SVIL: variants seen among roughly 807,000 people sequenced by gnomAD.
SVIL encodes archvillin.
In SVIL, 101 loss-of-function variants were observed where a neutral mutation model predicts 240.4. That is an observed-to-expected ratio of 0.42 (90% CI 0.36 to 0.50). The LOEUF (loss-of-function observed/expected upper bound fraction) is 0.50, where lower values mean the gene tolerates loss of function less well. SVIL is among the 20% of genes least tolerant of loss of function. The pLI is 0.01. For missense variants in SVIL, 2,512 were observed against 2,818.7 expected, an observed-to-expected ratio of 0.89 and a Z score of 2.46; for synonymous variants, 999 against 1,100.0, an observed-to-expected ratio of 0.91 and a Z score of 1.82.
At chr10:29,528,290 T>C (rs1404107341) in intron 12 of SVIL, among the ~76,000 whole-genome samples, 1 of 152,228 alleles carries the variant, frequency 6.6e-6, no homozygotes, top group Admixed American at 6.5e-5. Context: ...GGGGAGGAAC[T>C]GTAGGCAGCT....
intron 1 of SVIL, among the ~76,000 whole-genome samples, chr10:29,570,442 G>A (rs536533152): frequency 3.3e-5 from 5 of 152,238 alleles, no homozygotes; most frequent in African/African-American, 7.2e-5. Flanking sequence ...TAACCTTAGC[G>A]TTTCAGTTTT....
intron 1 of SVIL, among the ~76,000 whole-genome samples, chr10:29,596,288 T>C (rs1485862178): frequency 6.6e-6 from 1 of 152,082 alleles, no homozygotes; most frequent in African/African-American, 2.4e-5. Context: ...GTAAGCAAGA[T>C]AGTGAGACCC....
chr10:29,587,855 G>T (rs1257498141), intron 1 of SVIL, among the ~76,000 whole-genome samples: 1 of 152,190 alleles, frequency 6.6e-6, no homozygotes, highest in Non-Finnish European at 1.5e-5. Context: ...TTACACACCA[G>T]CGAAAAGTGG....
intron 18 of SVIL, among the ~76,000 whole-genome samples, chr10:29,498,626 G>A (rs1472845046): frequency 6.6e-6 from 1 of 152,236 alleles, no homozygotes; most frequent in East Asian, 1.9e-4. Context: ...AAGATATTCA[G>A]TAGAAATATC....
chr10:29,620,800 G>A (rs1412835523), intron 1 of SVIL, among the ~76,000 whole-genome samples: 2 of 152,054 alleles, frequency 1.3e-5, no homozygotes, highest in African/African-American at 4.8e-5. Context: ...TGTATTTTTA[G>A]CAGAGATGGG....
At chr10:29,586,195 C>G (rs946625641) in intron 1 of SVIL, among the ~76,000 whole-genome samples, 1 of 152,124 alleles carries the variant, frequency 6.6e-6, no homozygotes, top group African/African-American at 2.4e-5. Flanking sequence ...CTGAAGAGAA[C>G]AAAAAGGAGA....
At chr10:29,665,133 G>A (rs1322819274) in intron 2 of SVIL, among the ~76,000 whole-genome samples, 1 of 149,958 alleles carries the variant, frequency 6.7e-6, no homozygotes, top group African/African-American at 2.5e-5. Flanking sequence ...AGGCTGAGAT[G>A]GGAGGATCAC....
At chr10:29,530,048 C>T (rs986282749) in intron 11 of SVIL, among the ~76,000 whole-genome samples, 4 of 152,094 alleles carry the variant, frequency 2.6e-5, no homozygotes, top group African/African-American at 9.7e-5. Context: ...CTGGCACAGG[C>T]CTGTAGTCCC....
At chr10:29,713,965 A>C (rs997019745) in intron 1 of SVIL, among the ~76,000 whole-genome samples, 1 of 152,212 alleles carries the variant, frequency 6.6e-6, no homozygotes, top group Non-Finnish European at 1.5e-5. Flanking sequence ...CATTTCTCCA[A>C]TTTCCATGGA....
At chr10:29,694,626 A>AT (rs1961783807) in intron 1 of SVIL, among the ~76,000 whole-genome samples, 1 of 151,992 alleles carries the variant, frequency 6.6e-6, no homozygotes, top group African/African-American at 2.4e-5. Flanking sequence ...TATCCAGCTA[A>AT]TTTTTGTATT....
At position 29,467,888 on chromosome 10, in the gene SVIL, A is replaced by G. The variant is rs540175058; in HGVS notation, c.5844-13T>C. 5 of 1,613,988 alleles carry G rather than the reference A, an allele frequency of 3.1e-6. No individual in the cohort carries two copies. The South Asian group carries it at 5.5e-5, about 18-fold the overall frequency. On this transcript the variant is annotated splice_polypyrimidine_tract_variant and intron_variant, in intron 32 of 37. Transcript: ENST00000355867. ...TTCCAGGGGACATCTGCAAGGGAGAAACTCCAAGAGTTCTTTATAAGTCTG... is the reference window on the plus strand; with the variant it reads ...TTCCAGGGGACATCTGCAAGGGAGAGACTCCAAGAGTTCTTTATAAGTCTG...
At chr10:29,644,004 G>C (rs1425277783) in intron 3 of SVIL, 3 of 518,496 alleles carry the variant, frequency 5.8e-6, no homozygotes, top group Admixed American at 3.9e-5. Flanking sequence ...TGGACACCAG[G>C]CTCAGAGTCT....
intron 9 of SVIL, among the ~76,000 whole-genome samples, 174 bp downstream of exon 9, chr10:29,531,828 A>T (rs2132562846): frequency 6.6e-6 from 1 of 152,356 alleles, no homozygotes; most frequent in Non-Finnish European, 1.5e-5. Flanking sequence ...GTAAAGGCTA[A>T]TATTCTTTAA....
At chr10:29,731,280 A>G (rs2132719949) in intron 1 of SVIL, among the ~76,000 whole-genome samples, 1 of 152,304 alleles carries the variant, frequency 6.6e-6, no homozygotes, top group Non-Finnish European at 1.5e-5. Context: ...CACACTATAA[A>G]CACTCAACAG....
At chr10:29,685,609 A>G (rs138490459) in intron 2 of SVIL, among the ~76,000 whole-genome samples, 239 of 152,344 alleles carry the variant, frequency 1.6e-3, no homozygotes, top group African/African-American at 5.6e-3. Context: ...AACAGTAGCC[A>G]TTCTGACTGG....
At chr10:29,551,341 G>A in intron 5 of SVIL, 78 bp from the exon 6 acceptor site, 1 of 1,348,176 alleles carries the variant, frequency 7.4e-7, no homozygotes, top group Admixed American at 2.6e-5. Flanking sequence ...ACACTCTACT[G>A]CACACAGCAC....
Position 29,473,844 on chromosome 10 carries a change from C to T in SVIL, c.5523G>A (p.Gly1841=), listed in dbSNP as rs746575099. 6.2e-7 allele frequency: 1 copy of T among 1,613,894 alleles called. No individual in the cohort carries two copies. Among genetic ancestry groups the T allele is most frequent in the South Asian group, 1.1e-5 (1 of 91,048 alleles). Reference sequence around the variant, plus strand: ...AGAGCTCCCCAGGACTCACCTGGGCCCCCCTTTCCTCGTCCAGCTCCACCG... The same window carrying T: ...AGAGCTCCCCAGGACTCACCTGGGCTCCCCTTTCCTCGTCCAGCTCCACCG... ...LMTVELDEER[G]AQVQVLQGKE... The change falls in exon 30 of 38, where the codon GGG becomes GGA. Residue 1841 remains glycine, a synonymous_variant. Coordinates refer to ENST00000355867, the MANE Select transcript of SVIL (RefSeq NM_021738.3).
At chr10:29,658,225 A>G (rs1959061004) in intron 2 of SVIL, among the ~76,000 whole-genome samples, 1 of 152,230 alleles carries the variant, frequency 6.6e-6, no homozygotes, top group Non-Finnish European at 1.5e-5. Flanking sequence ...AACATCAGCA[A>G]CTACAGATTA....
Position 29,512,784 on chromosome 10 carries a change from G to T in SVIL, c.3467C>A (p.Pro1156Gln). 6.2e-7 allele frequency: 1 copy of T among 1,613,662 alleles called. No homozygotes were observed. Among genetic ancestry groups the T allele is most frequent in the Non-Finnish European group, 8.5e-7 (1 of 1,180,030 alleles). Residue 1156 changes from proline (P) to glutamine (Q), a missense_variant, in exon 17 of 38, where the codon CCG (proline) becomes CAG (glutamine). By Grantham distance (76) the Pro-to-Gln change is moderately conservative. Transcript: ENST00000355867. ...TTCCTGGGTGTGCAGGCTGCTGGCC[G>T]GCGCCTTGCCGCCCTCCTGCCTCCT... Reference protein sequence around the residue: ...LSRRQEGGKAPASSLHTQEAG... With the variant: ...LSRRQEGGKAQASSLHTQEAG...
Sources: allele counts gnomAD v4.1 joint callset (sites outside exome capture counted in the v4.1 genomes callset), GRCh38; gene constraint gnomAD v4.1.1; transcripts MANE v1.5; gene names NCBI Gene and HGNC (gene_info 2026-07-23, HGNC 2026-07-21).